Variants in TTC12 observed in about 807,000 individuals in gnomAD.
TTC12 encodes tetratricopeptide repeat domain 12, also known as tetratricopeptide repeat protein 12.
A neutral mutation model predicts 90.1 loss-of-function variants in TTC12; 70 were observed. The observed-to-expected ratio is 0.78, with a 90% CI of 0.64 to 0.95. The LOEUF is 0.95. Among genes scored for constraint, TTC12 ranks in the 40% least tolerant of loss-of-function variants. TTC12 has a pLI of 0.00. For synonymous variants in TTC12, 296 were observed against 311.5 expected (o/e 0.95, Z 0.53); for missense variants, 819 against 846.1 (o/e 0.97, Z 0.40).
At chr11:113,353,007 A>T (rs1422679975) in intron 16 of TTC12, among the ~76,000 whole-genome samples, 2 of 152,186 alleles carry the variant, frequency 1.3e-5, no homozygotes, top group Non-Finnish European at 2.9e-5. Context: ...TCTCTGTGTC[A>T]AATGGTATCT....
downstream of TTC12, among the ~76,000 whole-genome samples, chr11:113,370,050 A>C (rs1950341074): frequency 6.6e-6 from 1 of 152,208 alleles, no homozygotes; most frequent in African/African-American, 2.4e-5. Flanking sequence ...CCATGGCAGC[A>C]GGGCCTGAGA....
At chr11:113,330,011 T>A (rs1476070414) in intron 7 of TTC12, 32 bp downstream of exon 7, 2 of 1,571,528 alleles carry the variant, frequency 1.3e-6, no homozygotes. Context: ...CACATGATAG[T>A]GTTGGGCTGA....
intron 7 of TTC12, among the ~76,000 whole-genome samples, chr11:113,332,796 A>G (rs375709097): frequency 9.9e-5 from 15 of 152,256 alleles, no homozygotes; most frequent in South Asian, 8.3e-4. Flanking sequence ...CCAACTCTTC[A>G]TCTTCTCACT....
intron 12 of TTC12, 115 bp downstream of exon 12, chr11:113,342,040 C>G: frequency 2.4e-6 from 2 of 829,252 alleles, no homozygotes; most frequent in African/African-American, 1.7e-5. Context: ...GTCTAGACTT[C>G]CGCACACACC....
At chr11:113,341,197 T>C (rs1484355488) in intron 11 of TTC12, among the ~76,000 whole-genome samples, 1 of 152,122 alleles carries the variant, frequency 6.6e-6, no homozygotes, top group Non-Finnish European at 1.5e-5. Flanking sequence ...GCCACTGTAC[T>C]CCAGCCTAGG....
At chr11:113,370,501 TG>T (rs1950352794), downstream of TTC12, among the ~76,000 whole-genome samples, 1 of 152,244 alleles carries the variant, frequency 6.6e-6, no homozygotes, top group East Asian at 1.9e-4. Flanking sequence ...CTGAAGCTGC[TG>T]GATGACTTAT....
chr11:113,318,381 G>A (rs1006130123), intron 2 of TTC12, among the ~76,000 whole-genome samples: 1 of 152,198 alleles, frequency 6.6e-6, no homozygotes, highest in African/African-American at 2.4e-5. Flanking sequence ...TAAGACCAGG[G>A]TGTGAGCAGG....
chr11:113,359,317 G>T (rs781977065), intron 16 of TTC12, 46 bp from the exon 17 acceptor site: 1 of 1,306,258 alleles, frequency 7.7e-7, no homozygotes, highest in East Asian at 2.3e-5. Context: ...ACCATAAAAA[G>T]CTGTAAGGCA....
downstream of TTC12, among the ~76,000 whole-genome samples, chr11:113,366,806 A>T (rs376539560): frequency 1.6e-4 from 24 of 152,306 alleles, 2 homozygotes; most frequent in South Asian, 5.0e-3. Context: ...ATGTGCCGTT[A>T]AATTCAGTGG....
At chr11:113,329,044 T>C (rs1238720887) in intron 6 of TTC12, among the ~76,000 whole-genome samples, 1 of 152,254 alleles carries the variant, frequency 6.6e-6, no homozygotes, top group Non-Finnish European at 1.5e-5. Flanking sequence ...CTGATGGACA[T>C]TTGGATTGTT....
intron 16 of TTC12, among the ~76,000 whole-genome samples, chr11:113,353,849 GTT>G (rs1458418810): frequency 6.6e-6 from 1 of 152,156 alleles, no homozygotes; most frequent in Non-Finnish European, 1.5e-5. Flanking sequence ...AGTACCATGT[GTT>G]TTGGTTACTG....
Position 113,316,250 on chromosome 11 carries a change from G to A in TTC12, c.-8G>A, listed in dbSNP as rs372214168. 470 of 1,441,924 alleles carry A rather than the reference G, an allele frequency of 3.3e-4. No homozygotes were observed. The highest frequency in any genetic ancestry group is 4.0e-4 in the Non-Finnish European group (437 of 1,092,062). 89.3% of individuals were successfully genotyped at this position (1,441,924 alleles called of 1,614,324 possible). On this transcript the variant is annotated 5_prime_UTR_variant, in exon 2 of 22. Transcript: ENST00000529221. ...TTATGCTGCATCCCTTAGGGATTCCGGTTCACAATGGATGCTGATAAAGAG... is the reference window on the plus strand; with the variant it reads ...TTATGCTGCATCCCTTAGGGATTCCAGTTCACAATGGATGCTGATAAAGAG...
intron 13 of TTC12, among the ~76,000 whole-genome samples, chr11:113,347,846 A>C (rs1317589449): frequency 6.6e-6 from 1 of 152,060 alleles, no homozygotes; most frequent in African/African-American, 2.4e-5. Flanking sequence ...GTCTTTCTTA[A>C]AGATGTCAAG....
chr11:113,350,111 A>G lies in TTC12; in HGVS notation c.1193A>G (p.Asp398Gly). 6.2e-7 allele frequency: 1 copy of G among 1,613,984 alleles called. No homozygotes were observed. The highest frequency in any genetic ancestry group is 8.5e-7 in the Non-Finnish European group (1 of 1,179,892). ...EALVSFLDFS[D>G]KEANTAMGLF... The stretch of plus-strand genomic sequence containing the variant: ...CTGGTGTCATTTCTTGATTTCTCGG[A>G]TAAGGAGGCCAACACTGCTATGGGA... Residue 398 changes from aspartate to glycine, a missense_variant, in exon 14 of 22, where the codon GAT (aspartate) becomes GGT (glycine). Transcript: ENST00000529221.
intron 16 of TTC12, among the ~76,000 whole-genome samples, chr11:113,356,902 T>G (rs1489424509): frequency 6.6e-6 from 1 of 152,162 alleles, no homozygotes; most frequent in Non-Finnish European, 1.5e-5. Flanking sequence ...TGATTATGTG[T>G]CTTGGGGGTG....
intron 21 of TTC12, among the ~76,000 whole-genome samples, chr11:113,371,932 G>T (rs1013748620): frequency 1.3e-5 from 2 of 152,192 alleles, no homozygotes; most frequent in African/African-American, 2.4e-5. Context: ...GAAGCCCTGA[G>T]GAGATGGGCA....
intron 20 of TTC12, 104 bp from the exon 21 acceptor site, chr11:113,364,731 A>G: frequency 1.2e-6 from 1 of 842,054 alleles, no homozygotes; most frequent in South Asian, 1.5e-5. Flanking sequence ...TTACTGGGGA[A>G]GCTCGGTGTC....
At chr11:113,365,321 T>G (rs1183458418) in intron 21 of TTC12, among the ~76,000 whole-genome samples, 7 of 152,158 alleles carry the variant, frequency 4.6e-5, no homozygotes, top group Non-Finnish European at 8.8e-5. Flanking sequence ...TGCCGTTGCC[T>G]TCTCTCCATT....
At chr11:113,318,693 G>C (rs1451270762) in intron 2 of TTC12, among the ~76,000 whole-genome samples, 1 of 152,192 alleles carries the variant, frequency 6.6e-6, no homozygotes, top group Non-Finnish European at 1.5e-5. Flanking sequence ...TGAAGAGTGA[G>C]TCGGAGTTGG....
Sources: allele counts gnomAD v4.1 joint callset (sites outside exome capture counted in the v4.1 genomes callset), GRCh38; gene constraint gnomAD v4.1.1; transcripts MANE v1.5; gene names NCBI Gene and HGNC (gene_info 2026-07-23, HGNC 2026-07-21).